NRK: variants seen among roughly 807,000 people sequenced by gnomAD.
The protein encoded by NRK is Nik related kinase, also known as nik-related protein kinase.
NRK carries 67 observed loss-of-function variants against 125.2 expected under a neutral mutation model. The observed-to-expected ratio is 0.54, with a 90% confidence interval of 0.44 to 0.66. The LOEUF is 0.66. Among genes scored for constraint, NRK ranks in the 30% least tolerant of loss-of-function variants. The probability of loss-of-function intolerance (pLI) is 0.00; values close to 1 mark genes in which losing one functional copy is unlikely to be tolerated. For synonymous variants in NRK, 458 were observed against 429.0 expected, an observed-to-expected ratio of 1.07 and a Z score of -0.84; for missense variants, 1,224 against 1,192.9, an observed-to-expected ratio of 1.03 and a Z score of -0.38.
intron 2 of NRK, among the ~76,000 whole-genome samples, chrX:105,852,855 C>T (rs2039488855): frequency 8.9e-6 from 1 of 111,949 alleles, no homozygotes; most frequent in South Asian, 3.7e-4. Flanking sequence ...TGGAAATCTG[C>T]TCAAACCTCC....
chrX:105,823,776 C>G (rs1473286832), intron 1 of NRK, among the ~76,000 whole-genome samples: 1 of 111,568 alleles, frequency 9.0e-6, no homozygotes, highest in Non-Finnish European at 1.9e-5. Context: ...TTTCAAGTTC[C>G]CTTTTTAGAT....
In NRK at chrX:105,923,267, T is replaced by C. The variant is rs778333133; in HGVS notation, c.2760T>C (p.Tyr920=). 1 of 1,205,781 alleles carries C rather than the reference T, an allele frequency of 8.3e-7. No individual in the cohort carries two copies. The highest frequency in any genetic ancestry group is 1.1e-6 in the Non-Finnish European group (1 of 890,640). Residue 920 remains tyrosine (Y), a synonymous_variant, in exon 18 of 29, where the codon TAT becomes TAC. Transcript: ENST00000243300. ...VIQPPEEDGD[Y]VELYDASADT... is the part of the protein sequence containing the mutation. ...AGCCACCTGAAGAGGATGGTGATTATGTTGAACTCTATGATGCCAGTGCTG... is the reference window on the plus strand; with the variant it reads ...AGCCACCTGAAGAGGATGGTGATTACGTTGAACTCTATGATGCCAGTGCTG...
rs1341920851 is a variant in NRK at position 105,929,800 on chromosome X, C to G, written c.3313-4458C>G. Among the ~76,000 whole-genome samples the G allele has an allele frequency of 7.2e-5, 8 of 111,559 alleles. No homozygotes were observed. The Admixed American group carries it at 7.6e-4, about 11-fold the overall frequency. On this transcript the variant is annotated intron_variant, in intron 19 of 28. Coordinates refer to ENST00000243300, the MANE Select transcript of NRK (RefSeq NM_198465.4). ...TGGTGATGAATTCCTCTGCTTTTTG[C>G]TTATCTGGAAGAGGCTTTATTTCTC...
chrX:105,863,287 G>A (rs2039625327), intron 2 of NRK, among the ~76,000 whole-genome samples: 1 of 105,488 alleles, frequency 9.5e-6, no homozygotes, highest in Admixed American at 1.0e-4. Context: ...ATTTAGACTG[G>A]CCAAACTTCA....
chrX:105,894,032 G>A (rs976673298), intron 6 of NRK, 90 bp downstream of exon 6: 2 of 467,326 alleles, frequency 4.3e-6, no homozygotes, highest in Non-Finnish European at 6.9e-6. Flanking sequence ...ACATCAGATA[G>A]TTTAGGTATT....
rs1345573248 is a variant in NRK at position 105,893,956 on chromosome X, C to T, written c.489+14C>T. 1 of 912,116 alleles carries T rather than the reference C, an allele frequency of 1.1e-6. No homozygotes were observed. Among genetic ancestry groups the T allele is most frequent in the South Asian group, 2.0e-5 (1 of 48,817 alleles). The allele number at this position is 912,116 out of a possible 1,213,427, so 75.2% of individuals were successfully genotyped here. On this transcript the variant is annotated intron_variant, in intron 6 of 28. Coordinates refer to ENST00000243300, the MANE Select transcript of NRK (RefSeq NM_198465.4). ...GAAATCCTTCAGGTGAGTCTTCATA[C>T]AGTCATTCTCTTCTGATCTTTTAAG...
At chrX:105,910,725 T>A (rs761727113) in intron 13 of NRK, among the ~76,000 whole-genome samples, 24 of 111,282 alleles carry the variant, frequency 2.2e-4, no homozygotes, top group Admixed American at 5.7e-4. Context: ...ATTGGAGTTG[T>A]TGATTGGTCA....
Position 105,893,886 on chromosome X carries a change from A to G in NRK, c.433A>G (p.Ser145Gly). The change falls in exon 6 of 29, where the codon AGT becomes GGT. Residue 145 changes from serine (S) to glycine (G), a missense_variant. Ser to Gly is a moderately conservative substitution (Grantham distance 56). Transcript: ENST00000243300. Reference protein sequence around the residue: ...GSVTDVVRMTSNQSLKEDWIA... With the variant: ...GSVTDVVRMTGNQSLKEDWIA... Reference sequence around the variant, plus strand: ...GGTCACTGATGTAGTGAGAATGACCAGTAATCAGAGTTTAAAAGAAGATTG... The same window carrying G: ...GGTCACTGATGTAGTGAGAATGACCGGTAATCAGAGTTTAAAAGAAGATTG... 8.3e-7 allele frequency: 1 copy of G among 1,198,353 alleles called. No homozygotes were observed. Among genetic ancestry groups the G allele is most frequent in the Non-Finnish European group, 1.1e-6 (1 of 883,718 alleles).
chrX:105,924,895 G>A lies in NRK; in HGVS notation c.3176G>A (p.Gly1059Asp). ...NIGSERRGSE[G>D]DGGKGVVRTS... The stretch of plus-strand genomic sequence containing the variant: ...GGCAGTGAAAGAAGAGGCAGTGAGG[G>A]TGATGGAGGTAAGGGAGTCGTTCGA... The change falls in exon 19 of 29, where the codon GGT (glycine) becomes GAT (aspartate). Residue 1059 changes from glycine (G) to aspartate (D), a missense_variant. By Grantham distance (94) the Gly-to-Asp change is moderately conservative. Coordinates refer to ENST00000243300, the MANE Select transcript of NRK (RefSeq NM_198465.4). 1 of 1,210,689 alleles carries A rather than the reference G, an allele frequency of 8.3e-7. No homozygotes were observed. The highest frequency in any genetic ancestry group is 1.1e-6 in the Non-Finnish European group (1 of 894,659).
intron 24 of NRK, among the ~76,000 whole-genome samples, chrX:105,944,988 C>T (rs1176504823): frequency 8.9e-6 from 1 of 111,981 alleles, no homozygotes. Flanking sequence ...GAGTAACTTA[C>T]TTATAATGCT....
In NRK at chrX:105,917,609, C is replaced by G; in HGVS notation, c.2449C>G (p.Gln817Glu). The G allele has an allele frequency of 7.7e-6, 9 of 1,173,103 alleles. No individual in the cohort carries two copies. The highest frequency in any genetic ancestry group is 1.0e-5 in the Non-Finnish European group (9 of 874,139). Reference protein sequence around the residue: ...VPQRSLLEQAQKPIDIRQRSS... With the variant: ...VPQRSLLEQAEKPIDIRQRSS... The stretch of plus-strand genomic sequence containing the variant: ...TCAGCGGTCTCTTTTGGAACAAGCT[C>G]AGAAGCCCATTGACATCAGACAAAG... Residue 817 changes from glutamine to glutamate, a missense_variant, in exon 16 of 29, where the codon CAG (glutamine) becomes GAG (glutamate). Physicochemically the swap from Gln to Glu is conservative, Grantham distance 29. Coordinates refer to ENST00000243300, the MANE Select transcript of NRK (RefSeq NM_198465.4).
At position 105,955,713 on chromosome X, in the gene NRK, C is replaced by T; in HGVS notation, c.*113C>T. On this transcript the variant is annotated 3_prime_UTR_variant, in exon 29 of 29. Coordinates refer to ENST00000243300, the MANE Select transcript of NRK (RefSeq NM_198465.4). ...TTTTATTTTTAGTAAAGATTAAATC[C>T]AAAACTTTACTTTTAATGTAGCACA... is the stretch of plus-strand genomic sequence containing the variant. The T allele has an allele frequency of 2.3e-6, 1 of 439,531 alleles. No individual in the cohort carries two copies. Among genetic ancestry groups the T allele is most frequent in the South Asian group, 4.2e-5 (1 of 23,909 alleles). The allele number at this position is 439,531 out of a possible 1,213,427, so 36.2% of individuals were successfully genotyped here.
intron 9 of NRK, among the ~76,000 whole-genome samples, chrX:105,903,902 G>T (rs2040189263): frequency 8.9e-6 from 1 of 111,845 alleles, no homozygotes; most frequent in African/African-American, 3.2e-5. Context: ...AGAATAAAAA[G>T]GGTTAAATAT....
At chrX:105,877,797 A>G (rs956051263) in intron 2 of NRK, among the ~76,000 whole-genome samples, 2 of 109,098 alleles carry the variant, frequency 1.8e-5, no homozygotes, top group Non-Finnish European at 3.8e-5. Flanking sequence ...AAATAACTTC[A>G]TTCAATTTTC....
chrX:105,885,247 A>G (rs1333683735), intron 4 of NRK, among the ~76,000 whole-genome samples: 1 of 112,161 alleles, frequency 8.9e-6, no homozygotes, highest in Non-Finnish European at 1.9e-5. Flanking sequence ...AATTCAAAGG[A>G]GGTCAGTGAG....
At chrX:105,833,865 C>T (rs1383823540) in intron 2 of NRK, among the ~76,000 whole-genome samples, 1 of 111,172 alleles carries the variant, frequency 9.0e-6, no homozygotes. Flanking sequence ...GTGTGGTTTC[C>T]CAACTGGTGT....
chrX:105,889,786 A>G (rs1028661827), intron 5 of NRK, among the ~76,000 whole-genome samples: 1 of 112,265 alleles, frequency 8.9e-6, no homozygotes, highest in African/African-American at 3.2e-5. Flanking sequence ...GCTGGGACAC[A>G]GGGCAACAAG....
At chrX:105,832,987 C>T (rs937734923) in intron 2 of NRK, among the ~76,000 whole-genome samples, 5 of 111,129 alleles carry the variant, frequency 4.5e-5, no homozygotes. Context: ...TATGTTTACA[C>T]CACTGCCCTC....
chrX:105,914,308 T>C (rs753684114), intron 14 of NRK, among the ~76,000 whole-genome samples: 12 of 111,151 alleles, frequency 1.1e-4, no homozygotes, highest in Non-Finnish European at 2.1e-4. Flanking sequence ...AGCCAGACTG[T>C]ATTATATAAT....
Sources: allele counts gnomAD v4.1 joint callset (sites outside exome capture counted in the v4.1 genomes callset), GRCh38; gene constraint gnomAD v4.1.1; transcripts MANE v1.5; gene names NCBI Gene and HGNC (gene_info 2026-07-23, HGNC 2026-07-21).